The following VEPH1 variants were observed in gnomAD, a reference collection of about 807,000 sequenced individuals.
VEPH1 encodes the protein ventricular zone-expressed PH domain-containing protein homolog 1.
In VEPH1, 80 loss-of-function variants were observed where a neutral mutation model predicts 85.2. The observed-to-expected ratio is 0.94, with a 90% CI of 0.78 to 1.13. The LOEUF is 1.13. Among genes scored for constraint, VEPH1 ranks in the 50% most tolerant of loss-of-function variants. VEPH1 has a pLI of 0.00. For missense variants in VEPH1, 955 were observed against 980.5 expected, an observed-to-expected ratio of 0.97 and a Z score of 0.35; for synonymous variants, 297 against 348.0, an observed-to-expected ratio of 0.85 and a Z score of 1.63.
chr3:157,320,473 T>C (rs146499156), intron 9 of VEPH1, among the ~76,000 whole-genome samples: 1 of 152,256 alleles, frequency 6.6e-6, no homozygotes, highest in East Asian at 1.9e-4. Context: ...TAATTCCAGA[T>C]AGTATGTTTA....
At chr3:157,449,244 A>G (rs1246166043) in intron 4 of VEPH1, among the ~76,000 whole-genome samples, 1 of 152,246 alleles carries the variant, frequency 6.6e-6, no homozygotes, top group Non-Finnish European at 1.5e-5. Context: ...GTTGTTTAGT[A>G]TTAATAGATA....
chr3:157,341,249 C>T (rs148389808), intron 9 of VEPH1, among the ~76,000 whole-genome samples: 342 of 152,282 alleles, frequency 2.2e-3, no homozygotes, highest in African/African-American at 7.9e-3. Context: ...GAAGCTCAAA[C>T]CCATAGCAAA....
At chr3:157,268,646 A>G (rs1714083126) in intron 12 of VEPH1, among the ~76,000 whole-genome samples, 2 of 152,236 alleles carry the variant, frequency 1.3e-5, no homozygotes, top group South Asian at 4.1e-4. Flanking sequence ...AAAAATCAAA[A>G]GAAAGAAATT....
chr3:157,396,970 G>A (rs1730444469), intron 6 of VEPH1, among the ~76,000 whole-genome samples: 1 of 152,022 alleles, frequency 6.6e-6, no homozygotes, highest in African/African-American at 2.4e-5. Context: ...TTTTGCTTTT[G>A]TTGCAACTGC....
chr3:157,345,224 A>G (rs1009139214), intron 9 of VEPH1, among the ~76,000 whole-genome samples: 2 of 152,256 alleles, frequency 1.3e-5, no homozygotes, highest in Non-Finnish European at 2.9e-5. Flanking sequence ...AGAAACTACC[A>G]TCAGAGTGAA....
rs1233919676 is a variant in VEPH1, at chr3:157,460,192, C to T, written c.518G>A (p.Ser173Asn). Reference sequence around the variant, plus strand: ...CTTTCGCACCATACCTTGGAGTATGCTCTTTACTATAACTTCCGTGTGATC... The same window carrying T: ...CTTTCGCACCATACCTTGGAGTATGTTCTTTACTATAACTTCCGTGTGATC... ...LADHTEVIVK[S>N]ILQGNTMLLR... Residue 173 changes from serine to asparagine, a missense_variant, in exon 4 of 14, where the codon AGC (serine) becomes AAC (asparagine). Ser to Asn is a conservative substitution (Grantham distance 46). Transcript: ENST00000362010. The T allele has an allele frequency of 4.3e-6, 7 of 1,614,194 alleles. No homozygotes were observed. The highest frequency in any genetic ancestry group is 2.2e-5 in the East Asian group (1 of 44,884).
intron 12 of VEPH1, among the ~76,000 whole-genome samples, chr3:157,285,658 C>T (rs1269317374): frequency 1.3e-5 from 2 of 152,184 alleles, no homozygotes; most frequent in Non-Finnish European, 2.9e-5. Context: ...TCTCTCCTCT[C>T]AAAGGGCACA....
At chr3:157,286,348 G>A (rs1327256097) in intron 12 of VEPH1, 1 of 595,014 alleles carries the variant, frequency 1.7e-6, no homozygotes, top group African/African-American at 1.9e-5. Context: ...ATAGGTAAGG[G>A]ATTGTTTCTC....
intron 4 of VEPH1, among the ~76,000 whole-genome samples, chr3:157,439,759 T>G (rs1352031219): frequency 6.6e-6 from 1 of 152,152 alleles, no homozygotes; most frequent in Non-Finnish European, 1.5e-5. Context: ...ACTTTTTTGT[T>G]TTTTTCTTTG....
At chr3:157,354,111 A>C (rs1185538264) in intron 9 of VEPH1, among the ~76,000 whole-genome samples, 1 of 152,084 alleles carries the variant, frequency 6.6e-6, no homozygotes, top group Non-Finnish European at 1.5e-5. Flanking sequence ...CATCGATTGC[A>C]CCAATGTGTC....
At chr3:157,464,628 G>A (rs990994947) in intron 3 of VEPH1, among the ~76,000 whole-genome samples, 15 of 152,132 alleles carry the variant, frequency 9.9e-5, no homozygotes, top group East Asian at 5.8e-4. Flanking sequence ...TTTGTTCTAC[G>A]GATGCCAAGA....
At chr3:157,472,381 T>G (rs568546912) in intron 2 of VEPH1, among the ~76,000 whole-genome samples, 4 of 152,354 alleles carry the variant, frequency 2.6e-5, no homozygotes, top group Admixed American at 6.5e-5. Flanking sequence ...CCTACTACCA[T>G]TTAGTGAATA....
rs576141960 is a variant in VEPH1 at position 157,486,485 on chromosome 3, C to CAAAA, written c.138+8723_138+8726dup. On this transcript the variant is annotated intron_variant, in intron 2 of 13. Coordinates refer to ENST00000362010, the MANE Select transcript of VEPH1 (RefSeq NM_001167912.2). ...CACTCGACAGAGCAAGACTCTGACT[C>CAAAA]AAAAAAAAAAAAAAAGAGGCAGCAT... 7.1e-3 allele frequency among the ~76,000 whole-genome samples: 840 copies of CAAAA among 118,320 alleles called. 9 individuals carry two copies. Among genetic ancestry groups the CAAAA allele is most frequent in the Middle Eastern group, 0.015 (3 of 198 alleles). The allele number at this position is 118,320 out of a possible 152,430, so 77.6% of individuals were successfully genotyped here. A position where few individuals can be genotyped will look rare whatever the true frequency, so the allele number is the denominator to read the frequency against.
intron 4 of VEPH1, among the ~76,000 whole-genome samples, chr3:157,450,882 T>C (rs1429638454): frequency 1.3e-5 from 2 of 152,126 alleles, no homozygotes; most frequent in Non-Finnish European, 2.9e-5. Context: ...GAGAATTACA[T>C]AGGTTAAAAG....
At chr3:157,290,585 A>G (rs755053306) in intron 11 of VEPH1, among the ~76,000 whole-genome samples, 1 of 152,124 alleles carries the variant, frequency 6.6e-6, no homozygotes, top group African/African-American at 2.4e-5. Context: ...TCCCAAGTAC[A>G]CTCCAAATCA....
At chr3:157,336,928 G>T (rs1723022543) in intron 9 of VEPH1, among the ~76,000 whole-genome samples, 1 of 152,106 alleles carries the variant, frequency 6.6e-6, no homozygotes, top group Non-Finnish European at 1.5e-5. Flanking sequence ...TTACTACTTG[G>T]ACTTTTATAT....
At chr3:157,299,176 T>G (rs1718471337) in intron 11 of VEPH1, among the ~76,000 whole-genome samples, 1 of 152,144 alleles carries the variant, frequency 6.6e-6, no homozygotes, top group Non-Finnish European at 1.5e-5. Flanking sequence ...ACATGGAAAT[T>G]TATTATTCAG....
At chr3:157,267,067 GTTTTCTTTTC>G (rs199561298) in intron 12 of VEPH1, among the ~76,000 whole-genome samples, 10 of 147,004 alleles carry the variant, frequency 6.8e-5, no homozygotes, top group East Asian at 2.0e-4. Context: ...AAAATGTATA[GTTTTCTTTTC>G]TTTTCTTTTC....
intron 6 of VEPH1, among the ~76,000 whole-genome samples, chr3:157,394,261 A>T (rs928087433): frequency 6.6e-6 from 1 of 152,254 alleles, no homozygotes; most frequent in South Asian, 2.1e-4. Context: ...AAAAGGTAGT[A>T]GTACCATGTA....
Sources: gnomAD v4.1 joint callset for allele counts (sites outside exome capture counted in the v4.1 genomes callset) on GRCh38, gnomAD v4.1.1 for gene constraint, MANE v1.5 for transcripts, NCBI Gene and HGNC (gene_info 2026-07-23, HGNC 2026-07-21) for gene names.